SKAP2: variants seen among roughly 807,000 people sequenced by gnomAD.
SKAP2 encodes src kinase associated phosphoprotein 2.
In SKAP2, 28 loss-of-function variants were observed where a neutral mutation model predicts 54.9. The observed-to-expected ratio is 0.51, with a 90% CI of 0.38 to 0.70. SKAP2 has a LOEUF of 0.70. SKAP2 is among the 30% of genes least tolerant of loss of function. The pLI is 0.00. For missense variants in SKAP2, 356 were observed against 424.1 expected, an observed-to-expected ratio of 0.84 and a Z score of 1.41; for synonymous variants, 137 against 134.3, an observed-to-expected ratio of 1.02 and a Z score of -0.14.
chr7:26,697,598 T>C (rs1442728308), intron 9 of SKAP2, among the ~76,000 whole-genome samples: 1 of 152,214 alleles, frequency 6.6e-6, no homozygotes, highest in Non-Finnish European at 1.5e-5. Context: ...ATTTTTCACT[T>C]ACAGTAACCT....
intron 9 of SKAP2, among the ~76,000 whole-genome samples, chr7:26,698,483 C>A (rs1786946746): frequency 6.6e-6 from 1 of 152,216 alleles, no homozygotes; most frequent in East Asian, 1.9e-4. Context: ...CTGCCCTGCA[C>A]TGGCATAAAA....
intron 10 of SKAP2, among the ~76,000 whole-genome samples, chr7:26,685,346 TA>T (rs34749566): frequency 7.4e-5 from 11 of 148,184 alleles, no homozygotes; most frequent in Non-Finnish European, 1.0e-4. Context: ...GAACCAAAAT[TA>T]AAAAAAAAAT....
chr7:26,760,104 T>A (rs1461305860), intron 4 of SKAP2, among the ~76,000 whole-genome samples: 1 of 152,172 alleles, frequency 6.6e-6, no homozygotes, highest in Non-Finnish European at 1.5e-5. Flanking sequence ...ATGACAGATC[T>A]TTTTTTAGGA....
chr7:26,821,603 C>CAAGA (rs1784384685), intron 4 of SKAP2, among the ~76,000 whole-genome samples: 1 of 152,192 alleles, frequency 6.6e-6, no homozygotes, highest in Non-Finnish European at 1.5e-5. Flanking sequence ...TATTCCATAT[C>CAAGA]TCAGACTCCC....
chr7:26,861,010 CTTCTT>C (rs993569284), intron 1 of SKAP2, among the ~76,000 whole-genome samples: 18 of 151,974 alleles, frequency 1.2e-4, no homozygotes, highest in African/African-American at 3.9e-4. Context: ...TCACTATTTT[CTTCTT>C]TTAACAATGG....
chr7:26,799,223 C>T (rs1187512599), intron 4 of SKAP2, among the ~76,000 whole-genome samples: 1 of 151,578 alleles, frequency 6.6e-6, no homozygotes, highest in African/African-American at 2.4e-5. Context: ...ATCAATAATA[C>T]CATTGAATGT....
At chr7:26,693,738 G>A (rs981543814) in intron 9 of SKAP2, among the ~76,000 whole-genome samples, 12 of 152,014 alleles carry the variant, frequency 7.9e-5, no homozygotes, top group African/African-American at 1.2e-4. Flanking sequence ...ACCTGGTAGC[G>A]ATATTTTTAA....
Position 26,690,349 on chromosome 7 carries a change from GTCC to G in SKAP2, c.807_809del (p.Glu269del), listed in dbSNP as rs749126096. 16 of 1,609,354 alleles carry G rather than the reference GTCC, an allele frequency of 9.9e-6. No homozygotes were observed. The highest frequency in any genetic ancestry group is 8.0e-5 in the African/African-American group (6 of 74,826). ...GTTCTTCCACTTTCACTGGAGCACT[GTCC>G]TCTTCTTCTTCTGTAAATAAACATT... On this transcript the variant is annotated inframe_deletion, in exon 10 of 13. Coordinates refer to ENST00000345317, the MANE Select transcript of SKAP2 (RefSeq NM_003930.5).
chr7:26,750,334 T>C (rs1402650061), intron 4 of SKAP2, among the ~76,000 whole-genome samples: 2 of 138,704 alleles, frequency 1.4e-5, no homozygotes, highest in East Asian at 2.1e-4. Context: ...TTTTTTGAGA[T>C]GGAGTCTTGC....
chr7:26,773,578 T>C (rs1783235817), intron 4 of SKAP2, among the ~76,000 whole-genome samples: 1 of 152,206 alleles, frequency 6.6e-6, no homozygotes, highest in Non-Finnish European at 1.5e-5. Flanking sequence ...CTAAACCTCC[T>C]AACTTCAATT....
chr7:26,763,597 CT>C (rs1782981011), intron 4 of SKAP2, among the ~76,000 whole-genome samples: 1 of 152,118 alleles, frequency 6.6e-6, no homozygotes, highest in Non-Finnish European at 1.5e-5. Flanking sequence ...ATTCTTCAAA[CT>C]TTCATTCACT....
downstream of SKAP2, among the ~76,000 whole-genome samples, chr7:26,662,403 A>T (rs1786027610): frequency 6.6e-6 from 1 of 152,142 alleles, no homozygotes; most frequent in Non-Finnish European, 1.5e-5. Flanking sequence ...ATATCACAAA[A>T]TCAGAGAACC....
At chr7:26,791,445 G>A (rs1257660050) in intron 4 of SKAP2, among the ~76,000 whole-genome samples, 1 of 151,676 alleles carries the variant, frequency 6.6e-6, no homozygotes, top group Non-Finnish European at 1.5e-5. Context: ...CAAAGTTCAG[G>A]GATTATAGGT....
chr7:26,659,541 A>G, the SKAP2 span, among the ~76,000 whole-genome samples: 1 of 152,202 alleles, frequency 6.6e-6, no homozygotes, highest in African/African-American at 2.4e-5. Flanking sequence ...TTTATTGACA[A>G]TTTTATTGTA....
At chr7:26,692,909 CCA>C (rs1491353097) in intron 9 of SKAP2, among the ~76,000 whole-genome samples, 2 of 152,046 alleles carry the variant, frequency 1.3e-5, no homozygotes, top group Non-Finnish European at 2.9e-5. Context: ...TCCATAGCAC[CCA>C]CTCCCCTTTT....
intron 9 of SKAP2, among the ~76,000 whole-genome samples, chr7:26,717,600 C>A (rs1271720059): frequency 7.6e-6 from 1 of 132,382 alleles, no homozygotes; most frequent in Admixed American, 8.3e-5. Flanking sequence ...CCAAGGTGGG[C>A]GAATCACCTG....
chr7:26,674,736 AGAATTACT>A (rs1355339571), intron 11 of SKAP2, among the ~76,000 whole-genome samples: 1 of 152,214 alleles, frequency 6.6e-6, no homozygotes, highest in African/African-American at 2.4e-5. Context: ...TCTAATTCAA[AGAATTACT>A]GTTTTTCCTC....
At chr7:26,824,953 T>C (rs1306655108) in intron 4 of SKAP2, among the ~76,000 whole-genome samples, 1 of 152,184 alleles carries the variant, frequency 6.6e-6, no homozygotes, top group East Asian at 1.9e-4. Context: ...CAGAGCATTA[T>C]TAAATATACT....
intron 4 of SKAP2, among the ~76,000 whole-genome samples, chr7:26,800,569 GT>G (rs1489976591): frequency 6.6e-6 from 1 of 152,074 alleles, no homozygotes. Context: ...CAAAAAGTTG[GT>G]TTTTTGAAAT....
Sources: gnomAD v4.1 joint callset for allele counts (sites outside exome capture counted in the v4.1 genomes callset) on GRCh38, gnomAD v4.1.1 for gene constraint, MANE v1.5 for transcripts, NCBI Gene and HGNC (gene_info 2026-07-23, HGNC 2026-07-21) for gene names.